ZFHX3: variants seen among roughly 807,000 people sequenced by gnomAD.
The protein encoded by ZFHX3 is zinc finger homeobox protein 3.
In ZFHX3, 42 loss-of-function variants were observed where a neutral mutation model predicts 279.1. The observed-to-expected ratio is 0.15, with a 90% CI of 0.12 to 0.19. The LOEUF (loss-of-function observed/expected upper bound fraction) is 0.19, where lower values mean the gene tolerates loss of function less well. Ranked by LOEUF, ZFHX3 falls within the 10% of genes least tolerant of loss-of-function variation. The pLI, the probability that ZFHX3 is intolerant of heterozygous loss-of-function variation, is 1.00. For missense variants in ZFHX3, 4,981 were observed against 4,754.0 expected, an observed-to-expected ratio of 1.05 and a Z score of -1.40; for synonymous variants, 2,293 against 1,957.8, an observed-to-expected ratio of 1.17 and a Z score of -4.52.
intron 3 of ZFHX3, among the ~76,000 whole-genome samples, chr16:73,337,901 G>GGGT (rs1555510909): frequency 7.5e-6 from 1 of 134,004 alleles, no homozygotes; most frequent in Non-Finnish European, 1.6e-5. Context: ...GCGGGGGGGG[G>GGGT]GGTCCTCATC....
At chr16:73,307,139 C>T (rs990220031) in intron 4 of ZFHX3, among the ~76,000 whole-genome samples, 2 of 152,170 alleles carry the variant, frequency 1.3e-5, no homozygotes, top group African/African-American at 4.8e-5. Flanking sequence ...TTCATACATC[C>T]CAACATGTTT....
In ZFHX3 at chr16:72,794,076, G is replaced by A. The variant is rs1176929730; in HGVS notation, c.8606C>T (p.Ser2869Phe). 5 of 1,614,094 alleles carry A rather than the reference G, an allele frequency of 3.1e-6. No homozygotes were observed. The highest frequency in any genetic ancestry group is 2.7e-5 in the African/African-American group (2 of 74,928). Reference sequence around the variant, plus strand: ...TTTGGTCAACCCTTCGTTGGGTGCAGAAGAGGATTTGGTTTCAGTTGCTAT... The same window carrying A: ...TTTGGTCAACCCTTCGTTGGGTGCAAAAGAGGATTTGGTTTCAGTTGCTAT... ...TGIATETKSSSAPNEGLTKAA... is the reference protein window; with the variant it reads ...TGIATETKSSFAPNEGLTKAA... Residue 2869 changes from serine (S) to phenylalanine (F), a missense_variant, in exon 9 of 10, where the codon TCT (serine) becomes TTT (phenylalanine). Physicochemically the swap from Ser to Phe is radical, Grantham distance 155 (BLOSUM62 -2). Coordinates refer to ENST00000268489, the MANE Select transcript of ZFHX3 (RefSeq NM_006885.4). This position sits in a 1 kb window ranked among gnomAD's most constrained non-coding sequence, Gnocchi z 4.2.
intron 3 of ZFHX3, among the ~76,000 whole-genome samples, chr16:72,923,279 A>C (rs1959246511): frequency 6.6e-6 from 1 of 152,062 alleles, no homozygotes; most frequent in African/African-American, 2.4e-5. Flanking sequence ...GCCCATCTCT[A>C]CAAATGATAC....
intron 2 of ZFHX3, among the ~76,000 whole-genome samples, chr16:73,496,719 T>A (rs897212390): frequency 6.6e-6 from 1 of 152,118 alleles, no homozygotes; most frequent in Non-Finnish European, 1.5e-5. Flanking sequence ...GGCTTCCCAG[T>A]GCAAACTATA....
intron 4 of ZFHX3, among the ~76,000 whole-genome samples, chr16:73,296,877 A>ATTTTT (rs201366558): frequency 1.7e-5 from 2 of 116,068 alleles, no homozygotes; most frequent in African/African-American, 3.5e-5. Flanking sequence ...TGAAGCAGGA[A>ATTTTT]TTTTTTTTTT....
chr16:73,375,251 T>A (rs80175044), intron 3 of ZFHX3, among the ~76,000 whole-genome samples: 9,816 of 152,234 alleles, frequency 0.064, 535 homozygotes, highest in Non-Finnish European at 0.089. Flanking sequence ...TCATGGTAGT[T>A]ATTTTTGATA....
At chr16:73,322,907 C>A (rs2015606361) in intron 3 of ZFHX3, among the ~76,000 whole-genome samples, 1 of 152,168 alleles carries the variant, frequency 6.6e-6, no homozygotes, top group Non-Finnish European at 1.5e-5. Flanking sequence ...AACTAGTCTG[C>A]CACTTGTTTT....
chr16:72,901,890 G>A (rs2039046400), intron 3 of ZFHX3, among the ~76,000 whole-genome samples: 2 of 152,104 alleles, frequency 1.3e-5, no homozygotes, highest in Non-Finnish European at 1.5e-5. Context: ...AACACCCCAT[G>A]CACTGGGTTC....
chr16:73,667,387 C>CATTT (rs2052854622), intron 2 of ZFHX3, among the ~76,000 whole-genome samples: 1 of 152,180 alleles, frequency 6.6e-6, no homozygotes, highest in Non-Finnish European at 1.5e-5. Flanking sequence ...TGTTAACATA[C>CATTT]GCTTTTGTGT....
intron 3 of ZFHX3, among the ~76,000 whole-genome samples, chr16:73,393,972 A>G (rs1240320521): frequency 6.7e-6 from 1 of 148,264 alleles, no homozygotes; most frequent in Non-Finnish European, 1.5e-5. Flanking sequence ...AAGTATATAT[A>G]TCATATATAT....
chr16:73,154,921 C>T (rs991081017), intron 5 of ZFHX3, among the ~76,000 whole-genome samples: 1 of 152,030 alleles, frequency 6.6e-6, no homozygotes, highest in Non-Finnish European at 1.5e-5. Context: ...CGTCTGTAAT[C>T]CTAGCACTTT....
At chr16:73,485,011 C>A (rs1302690295) in intron 2 of ZFHX3, among the ~76,000 whole-genome samples, 2 of 152,016 alleles carry the variant, frequency 1.3e-5, no homozygotes, top group African/African-American at 4.8e-5. Context: ...GAAGTGTCCT[C>A]AGAGACACGA....
chr16:73,761,241 C>CA (rs201805512), intron 1 of ZFHX3, among the ~76,000 whole-genome samples: 3,909 of 149,572 alleles, frequency 0.026, 105 homozygotes, highest in African/African-American at 0.061. Flanking sequence ...ATAATTGCTA[C>CA]AAAAAAAAAT....
At chr16:73,044,738 C>A (rs1040793026) in intron 1 of ZFHX3, among the ~76,000 whole-genome samples, 1 of 152,206 alleles carries the variant, frequency 6.6e-6, no homozygotes, top group African/African-American at 2.4e-5. Flanking sequence ...TCTCCTGCCT[C>A]GGCCTCCTGA....
At chr16:73,109,995 C>T (rs146820376) in intron 7 of ZFHX3, among the ~76,000 whole-genome samples, 3 of 152,070 alleles carry the variant, frequency 2.0e-5, no homozygotes, top group African/African-American at 7.2e-5. Context: ...AATCCCAGCA[C>T]TTTGGGAGGC....
chr16:73,665,628 A>G (rs1395703019), intron 2 of ZFHX3, among the ~76,000 whole-genome samples: 1 of 151,772 alleles, frequency 6.6e-6, no homozygotes, highest in African/African-American at 2.4e-5. Context: ...TGGGATTGTG[A>G]CCTAAGAAAA....
chr16:73,889,602 T>C (rs959465471), intron 1 of ZFHX3, among the ~76,000 whole-genome samples: 1 of 152,194 alleles, frequency 6.6e-6, no homozygotes, highest in African/African-American at 2.4e-5. Flanking sequence ...ATGAACCGCA[T>C]TGTTTTAAGT....
chr16:72,788,276 GCTGCAGGTACCCGCT>G lies in ZFHX3; in HGVS notation c.9985_9999del (p.Ser3329_Gln3333del). On this transcript the variant is annotated inframe_deletion, in exon 10 of 10. Coordinates refer to ENST00000268489, the MANE Select transcript of ZFHX3 (RefSeq NM_006885.4). ...AACAGGCCTTCCATGCCATACATAGGCTGCAGGTACCCGCTCTGCAGGGCGCCAGGGATCTGGGGA... is the reference window on the plus strand; with the variant it reads ...AACAGGCCTTCCATGCCATACATAGGCTGCAGGGCGCCAGGGATCTGGGGA... 3 of 1,614,170 alleles carry G rather than the reference GCTGCAGGTACCCGCT, an allele frequency of 1.9e-6. No homozygotes were observed. Among genetic ancestry groups the G allele is most frequent in the Non-Finnish European group, 2.5e-6 (3 of 1,180,034 alleles).
At chr16:73,087,626 A>C (rs1343251352) in intron 8 of ZFHX3, among the ~76,000 whole-genome samples, 1 of 152,076 alleles carries the variant, frequency 6.6e-6, no homozygotes, top group Non-Finnish European at 1.5e-5. Context: ...ATCCCCTGGG[A>C]CTCTAAGCAA....
Sources: allele counts gnomAD v4.1 joint callset (sites outside exome capture counted in the v4.1 genomes callset), GRCh38; gene constraint gnomAD v4.1.1; non-coding constraint Gnocchi (gnomAD v3.1); transcripts MANE v1.5; gene names NCBI Gene and HGNC (gene_info 2026-07-23, HGNC 2026-07-21).